Variants in CUX2 observed in about 807,000 individuals in gnomAD.
The protein encoded by CUX2 is cut like homeobox 2.
A neutral mutation model predicts 144.8 loss-of-function variants in CUX2; 40 were observed. The ratio of observed to expected loss-of-function variants is 0.28; its 90% confidence interval spans 0.21 to 0.36. CUX2 has a LOEUF of 0.36. Ranked by LOEUF, CUX2 falls within the 10% of genes least tolerant of loss-of-function variation. The pLI is 1.00. For synonymous variants in CUX2, 827 were observed against 875.6 expected (o/e 0.94, Z 0.98); for missense variants, 1,615 against 1,994.0 (o/e 0.81, Z 3.62).
At chr12:111,250,888 G>A (rs1209882492) in intron 3 of CUX2, among the ~76,000 whole-genome samples, 2 of 152,172 alleles carry the variant, frequency 1.3e-5, no homozygotes, top group African/African-American at 4.8e-5. Context: ...CCAGCTTCAT[G>A]TACTGGCCAC....
intron 4 of CUX2, among the ~76,000 whole-genome samples, chr12:111,271,167 A>G (rs1348476085): frequency 6.6e-6 from 1 of 152,206 alleles, no homozygotes; most frequent in African/African-American, 2.4e-5. Flanking sequence ...TGCAGGCAAC[A>G]GGGTTCCTGA....
At chr12:111,112,053 G>A (rs1375778100) in intron 1 of CUX2, among the ~76,000 whole-genome samples, 1 of 152,122 alleles carries the variant, frequency 6.6e-6, no homozygotes, top group Non-Finnish European at 1.5e-5. Flanking sequence ...TGGGAGGCCT[G>A]GGCGGGATAT....
chr12:111,320,663 C>T lies in CUX2; in HGVS notation c.2654C>T (p.Pro885Leu). ...AAGCCCACCGTGCCGCCGCTGACCC[C>T]CGAGCAGTACGAGCTGTACATGTAC... ...TLKPTVPPLT[P>L]EQYELYMYRE... Residue 885 changes from proline (P) to leucine (L), a missense_variant, in exon 17 of 22, where the codon CCC becomes CTC. By Grantham distance (98) the Pro-to-Leu change is moderately conservative. Coordinates refer to ENST00000261726, the MANE Select transcript of CUX2 (RefSeq NM_015267.4). This position sits in a 1 kb window ranked among gnomAD's most constrained non-coding sequence, Gnocchi z 8.1. 1.9e-6 allele frequency: 3 copies of T among 1,597,274 alleles called. No individual in the cohort carries two copies. Among genetic ancestry groups the T allele is most frequent in the Non-Finnish European group, 2.5e-6 (3 of 1,179,298 alleles).
At position 111,289,998 on chromosome 12, in the gene CUX2, C is replaced by T. The variant is rs547201883; in HGVS notation, c.302-1420C>T. ...CAGAGCAGTCCCACCTTGGTATCCCCGCTTCACACAGGCATGGTTGGCAGA... is the reference window on the plus strand; with the variant it reads ...CAGAGCAGTCCCACCTTGGTATCCCTGCTTCACACAGGCATGGTTGGCAGA... On this transcript the variant is annotated intron_variant, in intron 4 of 21. Transcript: ENST00000261726. This position sits in a 1 kb window ranked among gnomAD's most constrained non-coding sequence, Gnocchi z 4.1. 3.9e-5 allele frequency among the ~76,000 whole-genome samples: 6 copies of T among 152,254 alleles called. No homozygotes were observed. The highest frequency in any genetic ancestry group is 8.8e-5 in the Non-Finnish European group (6 of 68,024).
rs769282897 is a variant in CUX2 at position 111,322,489 on chromosome 12, G to A, written c.2835G>A (p.Thr945=). 5.0e-6 allele frequency: 8 copies of A among 1,601,300 alleles called. No individual in the cohort carries two copies. The highest frequency in any genetic ancestry group is 1.1e-5 in the South Asian group (1 of 88,462). Residue 945 remains threonine, a synonymous_variant, in exon 18 of 22, where the codon ACG becomes ACA. Transcript: ENST00000261726. The surrounding 1 kb of genome is among the most constrained non-coding windows in gnomAD (Gnocchi z 4.2). The part of the protein sequence containing the change: ...LSRPKPWSKL[T]QKGREPFIRM... ...GGCCGAAGCCATGGAGCAAGCTGAC[G>A]CAGAAGGGGCGGGAGCCCTTCATCC...
At chr12:111,088,436 A>G (rs1872367751) in intron 1 of CUX2, among the ~76,000 whole-genome samples, 2 of 152,226 alleles carry the variant, frequency 1.3e-5, no homozygotes, top group South Asian at 2.1e-4. Flanking sequence ...TTATCTCAAA[A>G]TAAAAAGTTC....
At chr12:111,258,023 A>T (rs1883927070) in intron 3 of CUX2, among the ~76,000 whole-genome samples, 1 of 152,192 alleles carries the variant, frequency 6.6e-6, no homozygotes, top group Admixed American at 6.5e-5. Context: ...ATCCTATGTG[A>T]TTAGAAGAAG....
chr12:111,282,529 G>A (rs1469672082), intron 4 of CUX2, among the ~76,000 whole-genome samples: 1 of 151,520 alleles, frequency 6.6e-6, no homozygotes, highest in African/African-American at 2.4e-5. Context: ...AGGAGGCTGG[G>A]GCAGGAGAAT....
chr12:111,343,648 C>A (rs981973295), intron 21 of CUX2, among the ~76,000 whole-genome samples: 1 of 152,202 alleles, frequency 6.6e-6, no homozygotes, highest in Admixed American at 6.5e-5. Flanking sequence ...CCAATCCCCC[C>A]ACAAGTCATT....
At chr12:111,343,980 G>T (rs1338624404) in intron 21 of CUX2, among the ~76,000 whole-genome samples, 1 of 151,062 alleles carries the variant, frequency 6.6e-6, no homozygotes, top group Non-Finnish European at 1.5e-5. Flanking sequence ...TTGAACCCAG[G>T]AGGTGGAGGT....
chr12:111,272,748 G>C (rs1592905275), intron 4 of CUX2, among the ~76,000 whole-genome samples: 1 of 152,360 alleles, frequency 6.6e-6, no homozygotes, highest in Admixed American at 6.5e-5. Flanking sequence ...ACAGATGTGA[G>C]CCACCACACC....
At chr12:111,311,501 C>T (rs1033425213) in intron 15 of CUX2, among the ~76,000 whole-genome samples, 7 of 151,924 alleles carry the variant, frequency 4.6e-5, no homozygotes, top group African/African-American at 1.7e-4. Context: ...AGTGATCAGG[C>T]TGGTCTCAAA....
rs554208448 is a variant in CUX2, at chr12:111,178,469, A to G, written c.64-35731A>G. Among the ~76,000 whole-genome samples, 2 of 151,960 alleles carry G rather than the reference A, an allele frequency of 1.3e-5. No individual in the cohort carries two copies. The highest frequency in any genetic ancestry group is 4.2e-4 in the South Asian group (2 of 4,816). On this transcript the variant is annotated intron_variant, in intron 1 of 21. Coordinates refer to ENST00000261726, the MANE Select transcript of CUX2 (RefSeq NM_015267.4). This position sits in a 1 kb window ranked among gnomAD's most constrained non-coding sequence, Gnocchi z 5.7. ...CACAACTTCCTTGGCTCAAGGGTGG[A>G]CTTATGACCCGGTCCAGCCACTCCC... is the stretch of plus-strand genomic sequence containing the variant.
At chr12:111,208,042 G>C (rs998449365) in intron 1 of CUX2, among the ~76,000 whole-genome samples, 9 of 152,122 alleles carry the variant, frequency 5.9e-5, no homozygotes, top group African/African-American at 2.2e-4. Context: ...ACAAGGAGAA[G>C]GGGAAGTGGG....
At chr12:111,180,979 T>C (rs1879131280) in intron 1 of CUX2, among the ~76,000 whole-genome samples, 2 of 152,222 alleles carry the variant, frequency 1.3e-5, no homozygotes, top group African/African-American at 4.8e-5. Context: ...TATCATAAAA[T>C]TGCCTTCATA....
At chr12:111,256,429 C>G (rs924584594) in intron 3 of CUX2, among the ~76,000 whole-genome samples, 2 of 152,172 alleles carry the variant, frequency 1.3e-5, no homozygotes, top group African/African-American at 4.8e-5. Flanking sequence ...TGCCTCCTCT[C>G]GCTTGTCCAC....
At chr12:111,321,333 G>A (rs1035659065) in intron 17 of CUX2, among the ~76,000 whole-genome samples, 1 of 151,626 alleles carries the variant, frequency 6.6e-6, no homozygotes, top group African/African-American at 2.4e-5. Flanking sequence ...TGGGCTTGGT[G>A]TCCTGTGCCG....
chr12:111,256,850 C>G (rs1056629513), intron 3 of CUX2, among the ~76,000 whole-genome samples: 4 of 152,244 alleles, frequency 2.6e-5, no homozygotes, highest in South Asian at 2.1e-4. Context: ...AAAGAAGATG[C>G]CTGGAGCACA....
intron 1 of CUX2, among the ~76,000 whole-genome samples, chr12:111,074,507 T>C (rs1326303835): frequency 6.6e-6 from 1 of 151,996 alleles, no homozygotes; most frequent in African/African-American, 2.4e-5. Flanking sequence ...AGATAGAGGC[T>C]TGTCTTTGCC....
Sources: gnomAD v4.1 joint callset for allele counts (sites outside exome capture counted in the v4.1 genomes callset) on GRCh38, gnomAD v4.1.1 for gene constraint, Gnocchi (gnomAD v3.1) non-coding constraint, MANE v1.5 for transcripts, NCBI Gene and HGNC (gene_info 2026-07-23, HGNC 2026-07-21) for gene names.